The following VPS35L variants were observed in gnomAD, a reference collection of about 807,000 sequenced individuals.
VPS35L encodes VPS35 endosomal protein sorting factor like.
VPS35L carries 83 observed loss-of-function variants against 133.0 expected under a neutral mutation model. The ratio of observed to expected loss-of-function variants is 0.62; its 90% CI spans 0.52 to 0.75. The LOEUF is 0.75. VPS35L is among the 30% of genes least tolerant of loss of function. The probability of loss-of-function intolerance (pLI) is 0.00; values close to 1 mark genes in which losing one functional copy is unlikely to be tolerated. For synonymous variants in VPS35L, 423 were observed against 449.9 expected (o/e 0.94, Z 0.76); for missense variants, 1,083 against 1,206.8 (o/e 0.90, Z 1.52).
At chr16:19,656,779 G>A (rs1465710015) in intron 26 of VPS35L, among the ~76,000 whole-genome samples, 1 of 151,938 alleles carries the variant, frequency 6.6e-6, no homozygotes, top group Non-Finnish European at 1.5e-5. Context: ...AGTACGTTGA[G>A]AGCTGTTTGA....
intron 27 of VPS35L, among the ~76,000 whole-genome samples, chr16:19,671,133 G>A (rs1395433301): frequency 1.3e-5 from 2 of 152,160 alleles, no homozygotes; most frequent in Non-Finnish European, 2.9e-5. Context: ...AGTGTAATTG[G>A]TTTGCTTTTT....
intron 6 of VPS35L, 28 bp from the exon 7 acceptor site, chr16:19,581,496 TG>T: frequency 6.5e-7 from 1 of 1,531,494 alleles, no homozygotes; most frequent in South Asian, 1.3e-5. Flanking sequence ...TTTCCTGCTA[TG>T]CCTTCACCTT....
In VPS35L at chr16:19,581,751, T is replaced by C. The variant is rs1971718116; in HGVS notation, c.639+98T>C. On this transcript the variant is annotated intron_variant, in intron 7 of 30. Coordinates refer to ENST00000417362, the MANE Select transcript of VPS35L (RefSeq NM_020314.7). ...CAGGGGCCTACCTGCAGGGTCTTACTCTTGTTTTCTCATCCCTTTCTTTTT... is the reference window on the plus strand; with the variant it reads ...CAGGGGCCTACCTGCAGGGTCTTACCCTTGTTTTCTCATCCCTTTCTTTTT... 3.7e-6 allele frequency: 5 copies of C among 1,360,852 alleles called. No individual in the cohort carries two copies. The Admixed American group carries it at 6.5e-5, about 18-fold the overall frequency. 84.3% of individuals were successfully genotyped at this position (1,360,852 alleles called of 1,614,324 possible).
In VPS35L at chr16:19,644,874, T is replaced by C. The variant is rs1973889181; in HGVS notation, c.1866-12T>C. The stretch of plus-strand genomic sequence containing the variant: ...TACCTCCGTGTTAATTATGTACAAT[T>C]ATTGATTTTAGTGCACTCACTCTTG... On this transcript the variant is annotated splice_polypyrimidine_tract_variant and intron_variant, in intron 22 of 30. Coordinates refer to ENST00000417362, the MANE Select transcript of VPS35L (RefSeq NM_020314.7). 1 of 1,572,252 alleles carries C rather than the reference T, an allele frequency of 6.4e-7. No homozygotes were observed. Among genetic ancestry groups the C allele is most frequent in the African/African-American group, 1.3e-5 (1 of 74,188 alleles).
At chr16:19,616,624 A>G (rs546936917) in intron 13 of VPS35L, 62 bp from the exon 14 acceptor site, 1 of 1,572,894 alleles carries the variant, frequency 6.4e-7, no homozygotes, top group Non-Finnish European at 8.7e-7. Flanking sequence ...TGAGTTGTGT[A>G]TGTTTTGTTT....
intron 26 of VPS35L, among the ~76,000 whole-genome samples, chr16:19,659,324 C>G (rs974191602): frequency 3.9e-5 from 6 of 152,074 alleles, no homozygotes; most frequent in Admixed American, 6.6e-5. Context: ...AGTGAGAGAG[C>G]CCTTGACAGT....
chr16:19,645,671 TC>T (rs1364802651), intron 23 of VPS35L, among the ~76,000 whole-genome samples: 6 of 151,790 alleles, frequency 4.0e-5, no homozygotes, highest in Non-Finnish European at 7.4e-5. Context: ...CAGGTTTCCA[TC>T]CCCCCCAGCT....
At chr16:19,557,328 G>A (rs1279377842) in intron 1 of VPS35L, among the ~76,000 whole-genome samples, 1 of 152,140 alleles carries the variant, frequency 6.6e-6, no homozygotes, top group Non-Finnish European at 1.5e-5. Flanking sequence ...AGGCAAACAG[G>A]TGCCATAACG....
chr16:19,569,495 C>T lies in VPS35L; in HGVS notation c.189C>T (p.Ser63=), dbSNP rs1321644539. 6.2e-7 allele frequency: 1 copy of T among 1,610,858 alleles called. No homozygotes were observed. The highest frequency in any genetic ancestry group is 8.5e-7 in the Non-Finnish European group (1 of 1,178,498). ...STSSTSSSSS[S]SVVDPLSSVL... ...CTTCCACGTCCTCCTCCTCCTCCAG[C>T]TCCGTGGTGGACCCGCTGAGCAGCG... The change falls in exon 3 of 31, where the codon AGC becomes AGT. Residue 63 remains serine (S), a synonymous_variant. Coordinates refer to ENST00000417362, the MANE Select transcript of VPS35L (RefSeq NM_020314.7).
chr16:19,686,585 G>A (rs1390886539), intron 28 of VPS35L, among the ~76,000 whole-genome samples: 3 of 152,154 alleles, frequency 2.0e-5, no homozygotes, highest in East Asian at 3.9e-4. Context: ...GCAACTTGGG[G>A]TGGGACAGAT....
At chr16:19,598,163 G>T (rs369802069) in intron 8 of VPS35L, among the ~76,000 whole-genome samples, 1 of 152,290 alleles carries the variant, frequency 6.6e-6, no homozygotes, top group South Asian at 2.1e-4. Context: ...TGGGGCTATC[G>T]TAGACCCTGC....
intron 27 of VPS35L, among the ~76,000 whole-genome samples, chr16:19,678,354 G>A (rs1975134617): frequency 6.6e-6 from 1 of 151,922 alleles, no homozygotes; most frequent in Non-Finnish European, 1.5e-5. Flanking sequence ...AGCCCTGCCA[G>A]GGACACCTGG....
intron 1 of VPS35L, 139 bp downstream of exon 1, chr16:19,555,885 G>A (rs1970837086): frequency 2.4e-6 from 3 of 1,275,532 alleles, no homozygotes; most frequent in Non-Finnish European, 3.2e-6. Context: ...CTTGACCGTA[G>A]AATCCCTGGC....
intron 14 of VPS35L, among the ~76,000 whole-genome samples, chr16:19,623,766 T>TTTATTATTA (rs199933640): frequency 2.3e-4 from 29 of 126,840 alleles, no homozygotes; most frequent in Admixed American, 3.3e-4. Flanking sequence ...TACTTATTTA[T>TTTATTATTA]TTATTATTAT....
chr16:19,623,296 G>A (rs1408052998), intron 14 of VPS35L, among the ~76,000 whole-genome samples: 1 of 152,180 alleles, frequency 6.6e-6, no homozygotes, highest in Non-Finnish European at 1.5e-5. Context: ...CAGCAAGGTT[G>A]GTTTCTGGTG....
At chr16:19,632,456 T>G (rs1403361055) in intron 18 of VPS35L, among the ~76,000 whole-genome samples, 2 of 152,248 alleles carry the variant, frequency 1.3e-5, no homozygotes, top group Non-Finnish European at 2.9e-5. Context: ...TTTCTTTCCC[T>G]GTAATTTATT....
intron 26 of VPS35L, among the ~76,000 whole-genome samples, chr16:19,663,339 C>T (rs1974549051): frequency 6.6e-6 from 1 of 152,130 alleles, no homozygotes; most frequent in Non-Finnish European, 1.5e-5. Flanking sequence ...AGACAGTAGC[C>T]TATCAGTAAG....
intron 1 of VPS35L, among the ~76,000 whole-genome samples, chr16:19,556,945 C>T (rs949834997): frequency 1.3e-5 from 2 of 151,680 alleles, no homozygotes; most frequent in South Asian, 4.2e-4. Flanking sequence ...GCCAACATGG[C>T]GAAACCTAAT....
intron 23 of VPS35L, among the ~76,000 whole-genome samples, 176 bp from the exon 24 acceptor site, chr16:19,647,608 G>A (rs1223074149): frequency 6.6e-6 from 1 of 152,124 alleles, no homozygotes; most frequent in Non-Finnish European, 1.5e-5. Flanking sequence ...TCAGAGTCTG[G>A]AAAATTCTGC....
Sources: allele counts gnomAD v4.1 joint callset (sites outside exome capture counted in the v4.1 genomes callset), GRCh38; gene constraint gnomAD v4.1.1; transcripts MANE v1.5; gene names NCBI Gene and HGNC (gene_info 2026-07-23, HGNC 2026-07-21).